The following MRI1 variants were observed in gnomAD, a reference collection of about 807,000 sequenced individuals.
The protein encoded by MRI1 is methylthioribose-1-phosphate isomerase 1, also known as methylthioribose-1-phosphate isomerase.
Under a neutral mutation model 27.3 loss-of-function variants are expected in MRI1, and 32 were observed. The observed-to-expected ratio is 1.17, with a 90% CI of 0.88 to 1.57. MRI1 has a LOEUF of 1.57. Among genes scored for constraint, MRI1 ranks in the 40% most tolerant of loss-of-function variants. The pLI is 0.00. For missense variants in MRI1, 508 were observed against 516.1 expected, an observed-to-expected ratio of 0.98 and a Z score of 0.15; for synonymous variants, 216 against 227.4, an observed-to-expected ratio of 0.95 and a Z score of 0.45.
chr19:13,770,610 G>A (rs971714112), intron 5 of MRI1, among the ~76,000 whole-genome samples: 6 of 151,934 alleles, frequency 3.9e-5, no homozygotes, highest in Non-Finnish European at 7.4e-5. Context: ...AAGGCCGAGC[G>A]CTGTGGCTCA....
intron 5 of MRI1, 103 bp downstream of exon 5, chr19:13,769,151 T>A: frequency 2.1e-6 from 2 of 958,134 alleles, no homozygotes; most frequent in Non-Finnish European, 3.1e-6. Flanking sequence ...ACACAGCTCC[T>A]ACAAGCCACT....
At chr19:13,765,172 A>C in intron 2 of MRI1, 63 bp downstream of exon 2, 1 of 1,326,866 alleles carries the variant, frequency 7.5e-7, no homozygotes, top group Non-Finnish European at 1.0e-6. Context: ...TTTTAAGTAC[A>C]GTGACCCACT....
chr19:13,768,058 T>C (rs1188102781), intron 3 of MRI1, among the ~76,000 whole-genome samples: 2 of 151,346 alleles, frequency 1.3e-5, no homozygotes, highest in East Asian at 2.0e-4. Flanking sequence ...TTAGTAGAGA[T>C]GGGGTTTCAC....
At position 13,764,699 on chromosome 19, in the gene MRI1, G is replaced by A. The variant is rs770692333; in HGVS notation, c.111G>A (p.Trp37Ter). 1 of 1,534,426 alleles carries A rather than the reference G, an allele frequency of 6.5e-7. No homozygotes were observed. Among genetic ancestry groups the A allele is most frequent in the Non-Finnish European group, 8.7e-7 (1 of 1,143,526 alleles). Reference protein sequence around the residue: ...YEAVGSVHQAWEAIRAMKVRG... With the variant: ...YEAVGSVHQA The stretch of plus-strand genomic sequence containing the variant: ...CGGTGGGCTCGGTGCACCAGGCCTG[G>A]GAGGCCATCCGCGCCATGAAGGTGC... Residue 37 changes from tryptophan (W) to a stop codon, truncating the protein, a stop_gained, in exon 1 of 6, where the codon TGG becomes TGA. Coordinates refer to ENST00000040663, the MANE Select transcript of MRI1 (RefSeq NM_001031727.4). LOFTEE classifies it high-confidence loss of function.
intron 3 of MRI1, among the ~76,000 whole-genome samples, chr19:13,767,033 ATATATTTTTTTTTTTT>A (rs1308537376): frequency 7.9e-3 from 135 of 17,128 alleles, no homozygotes; most frequent in African/African-American, 0.037. Context: ...ATATATATAT[ATATATTTTTTTTTTTT>A]TTTTTTTTTT....
chr19:13,767,035 ATATTTTTTTTTTTT>A (rs1422461429), intron 3 of MRI1, among the ~76,000 whole-genome samples: 9 of 18,508 alleles, frequency 4.9e-4, no homozygotes, highest in African/African-American at 2.0e-3. Context: ...ATATATATAT[ATATTTTTTTTTTTT>A]TTTTTTTTTT....
chr19:13,769,149 C>T, intron 5 of MRI1, 101 bp downstream of exon 5: 1 of 972,826 alleles, frequency 1.0e-6, no homozygotes, highest in South Asian at 1.7e-5. Flanking sequence ...ATACACAGCT[C>T]CTACAAGCCA....
chr19:13,769,128 C>T, intron 5 of MRI1, 80 bp downstream of exon 5: 1 of 1,199,936 alleles, frequency 8.3e-7, no homozygotes, highest in Non-Finnish European at 1.2e-6. Context: ...TCCTTGTCAT[C>T]CTTCTGGAAC....
intron 3 of MRI1, among the ~76,000 whole-genome samples, chr19:13,767,445 C>T (rs1003539727): frequency 6.6e-6 from 1 of 151,100 alleles, no homozygotes; most frequent in Non-Finnish European, 1.5e-5. Context: ...AGTGGCGGTG[C>T]AGGCCTGTAA....
At chr19:13,764,780 C>A (rs1226713305) in intron 1 of MRI1, 60 bp downstream of exon 1, 1 of 203,498 alleles carries the variant, frequency 4.9e-6, no homozygotes, top group Admixed American at 1.5e-4. Flanking sequence ...GGCGGCGGGG[C>A]GGCGGGGCGG....
chr19:13,772,228 C>G lies in MRI1; in HGVS notation c.1057C>G (p.Leu353Val). The G allele has an allele frequency of 6.2e-7, 1 of 1,614,136 alleles. No homozygotes were observed. Among genetic ancestry groups the G allele is most frequent in the Non-Finnish European group, 8.5e-7 (1 of 1,180,008 alleles). Residue 353 changes from leucine (L) to valine (V), a missense_variant, in exon 6 of 6, where the codon CTA (leucine) becomes GTA (valine). This residue lies in a region of MRI1 where 457 missense variants were observed against 452.8 expected (regional missense o/e 1.01). Coordinates refer to ENST00000040663, the MANE Select transcript of MRI1 (RefSeq NM_001031727.4). ...VFAPEELRTA[L>V]TTTISSRDGT... Reference sequence around the variant, plus strand: ...TGCCCCTGAGGAGCTCCGGACAGCCCTAACCACCACCATCTCTTCCAGGGA... The same window carrying G: ...TGCCCCTGAGGAGCTCCGGACAGCCGTAACCACCACCATCTCTTCCAGGGA...
At chr19:13,766,175 T>G (rs749372090) in intron 3 of MRI1, 46 bp downstream of exon 3, 3 of 1,469,434 alleles carry the variant, frequency 2.0e-6, no homozygotes, top group Non-Finnish European at 2.7e-6. Context: ...TCTAGGAACT[T>G]TTTTAGATAC....
chr19:13,770,107 CTT>C (rs1444719006), intron 5 of MRI1, among the ~76,000 whole-genome samples: 1 of 152,130 alleles, frequency 6.6e-6, no homozygotes, highest in Non-Finnish European at 1.5e-5. Flanking sequence ...AGCTGCAAGA[CTT>C]TTCTTAGCTG....
chr19:13,767,343 A>T (rs565849366), intron 3 of MRI1, among the ~76,000 whole-genome samples: 1 of 151,936 alleles, frequency 6.6e-6, no homozygotes, highest in East Asian at 1.9e-4. Flanking sequence ...CACAGTGCCC[A>T]GCCCACCCCT....
At position 13,772,287 on chromosome 19, in the gene MRI1, T is replaced by A; in HGVS notation, c.*6T>A. 1 of 1,608,566 alleles carries A rather than the reference T, an allele frequency of 6.2e-7. No individual in the cohort carries two copies. Among genetic ancestry groups the A allele is most frequent in the South Asian group, 1.1e-5 (1 of 90,344 alleles). On this transcript the variant is annotated 3_prime_UTR_variant, in exon 6 of 6. Coordinates refer to ENST00000040663, the MANE Select transcript of MRI1 (RefSeq NM_001031727.4). ...TAGATGGACCCCAGATGTAACCAAC[T>A]CAGCTCTCCCTAGCCTGCCTCTCTA...
chr19:13,774,251 A>C lies in MRI1; in HGVS notation c.*1970A>C. On this transcript the variant is annotated 3_prime_UTR_variant, in exon 6 of 6. Transcript: ENST00000040663. ...CGTTGTAAGTTTTCTAAAACACATA[A>C]GCTCTCAATAAACGTTAGCTTATCA... 2 of 515,638 alleles carry C rather than the reference A, an allele frequency of 3.9e-6. No individual in the cohort carries two copies. Among genetic ancestry groups the C allele is most frequent in the South Asian group, 6.4e-5 (2 of 31,072 alleles). 31.9% of individuals were successfully genotyped at this position (515,638 alleles called of 1,614,324 possible). A position where few individuals can be genotyped will look rare whatever the true frequency, so the allele number is the denominator to read the frequency against.
chr19:13,764,624 C>T lies in MRI1; in HGVS notation c.36C>T (p.Ser12=), dbSNP rs1363201903. The change falls in exon 1 of 6, where the codon TCC becomes TCT. Residue 12 remains serine (S), a synonymous_variant. Coordinates refer to ENST00000040663, the MANE Select transcript of MRI1 (RefSeq NM_001031727.4). The part of the protein sequence containing the change: ...TLEAIRYSRG[S]LQILDQLLLP... ...AGGCGATCCGCTACTCGCGGGGCTC[C>T]CTGCAGATCCTAGACCAGCTGCTGC... 2 of 1,609,546 alleles carry T rather than the reference C, an allele frequency of 1.2e-6. No individual in the cohort carries two copies. Among genetic ancestry groups the T allele is most frequent in the Non-Finnish European group, 1.7e-6 (2 of 1,179,360 alleles).
At chr19:13,767,792 C>T (rs944952404) in intron 3 of MRI1, among the ~76,000 whole-genome samples, 51 of 151,236 alleles carry the variant, frequency 3.4e-4, no homozygotes, top group Middle Eastern at 6.8e-3. Flanking sequence ...TGCCATGGCA[C>T]GACCTTGGCT....
Position 13,766,079 on chromosome 19 carries a change from C to T in MRI1, c.497C>T (p.Thr166Ile). 1 of 1,612,362 alleles carries T rather than the reference C, an allele frequency of 6.2e-7. No homozygotes were observed. Among genetic ancestry groups the T allele is most frequent in the Non-Finnish European group, 8.5e-7 (1 of 1,179,452 alleles). ...APSGGKVTVL[T>I]HCNTGALATA... ...AGCGGTGGCAAGGTGACTGTGCTGA[C>T]CCACTGTAACACTGGTGCTCTGGCC... Residue 166 changes from threonine to isoleucine, a missense_variant, in exon 3 of 6, where the codon ACC becomes ATC. Physicochemically the swap from Thr to Ile is moderately conservative, Grantham distance 89 (BLOSUM62 -1). Transcript: ENST00000040663.
Sources: allele counts gnomAD v4.1 joint callset (sites outside exome capture counted in the v4.1 genomes callset), GRCh38; gene constraint gnomAD v4.1.1; regional missense constraint gnomAD v4.1.1; transcripts MANE v1.5; gene names NCBI Gene and HGNC (gene_info 2026-07-23, HGNC 2026-07-21).